Variants in PLPP2 observed in about 807,000 individuals in gnomAD.
PLPP2 encodes PAP2-gamma.
PLPP2 carries 29 observed loss-of-function variants against 35.2 expected under a neutral mutation model. That is an observed-to-expected ratio of 0.82 (90% CI 0.61 to 1.12). The LOEUF is 1.12. Among genes scored for constraint, PLPP2 ranks in the 50% most tolerant of loss-of-function variants. The pLI, the probability that PLPP2 is intolerant of heterozygous loss-of-function variation, is 0.00. For missense variants in PLPP2, 353 were observed against 375.2 expected (o/e 0.94, Z 0.49); for synonymous variants, 162 against 167.0 (o/e 0.97, Z 0.23).
At chr19:290,875 A>C in intron 1 of PLPP2, 2 of 1,122,232 alleles carry the variant, frequency 1.8e-6, no homozygotes, top group Non-Finnish European at 2.2e-6. Context: ...GGGAGCGCCC[A>C]CCCCAGGGGC....
At position 287,670 on chromosome 19, in the gene PLPP2, A is replaced by G; in HGVS notation, c.286T>C (p.Tyr96His). Residue 96 changes from tyrosine to histidine, a missense_variant, in exon 3 of 6, where the codon TAC becomes CAC. Transcript: ENST00000434325. This position sits in a 1 kb window ranked among gnomAD's most constrained non-coding sequence, Gnocchi z 4.3. ...AACAGGAAGGTCCCCAGCACCTTGT[A>G]TACAGCAGCCACGTAGTTGTTGAAG... Reference protein sequence around the residue: ...SDFNNYVAAVYKVLGTFLFGA... With the variant: ...SDFNNYVAAVHKVLGTFLFGA... 1.2e-6 allele frequency: 2 copies of G among 1,613,960 alleles called. No homozygotes were observed. The highest frequency in any genetic ancestry group is 1.7e-6 in the Non-Finnish European group (2 of 1,180,032).
intron 3 of PLPP2, chr19:285,562 G>A (rs56219430): frequency 0.14 from 20,623 of 145,656 alleles, 1,906 homozygotes; most frequent in Non-Finnish European, 0.21. Context: ...TCACGTCACC[G>A]CACTCCAGCC....
In PLPP2 at chr19:282,303, A is replaced by T. The variant is rs1217523970; in HGVS notation, c.548T>A (p.Val183Glu). The T allele has an allele frequency of 1.2e-6, 2 of 1,613,444 alleles. No individual in the cohort carries two copies. Among genetic ancestry groups the T allele is most frequent in the African/African-American group, 2.7e-5 (2 of 74,848 alleles). The change falls in exon 5 of 6, where the codon GTG becomes GAG. Residue 183 changes from valine to glutamate, a missense_variant. Physicochemically the swap from Val to Glu is moderately radical, Grantham distance 121. Coordinates refer to ENST00000434325, the MANE Select transcript of PLPP2 (RefSeq NM_003712.4). ...MYCMVFLALY[V>E]QARLCWKWAR... ...CCACTTCCAACAGAGTCGTGCCTGC[A>T]CATACAGCTGGAGTGGGGAGAGGAC...
At chr19:289,689 G>A (rs1366188339) in intron 1 of PLPP2, among the ~76,000 whole-genome samples, 5 of 152,030 alleles carry the variant, frequency 3.3e-5, no homozygotes, top group African/African-American at 7.3e-5. Flanking sequence ...GCGACAGGGC[G>A]AGACTCTGTC....
At chr19:286,373 A>C (rs1437654454) in intron 3 of PLPP2, 2 of 151,880 alleles carry the variant, frequency 1.3e-5, no homozygotes, top group East Asian at 3.9e-4. Flanking sequence ...CTTGGAAGGC[A>C]GAGGTGGGAG....
At chr19:286,016 G>C (rs371232105) in intron 3 of PLPP2, 1 of 151,556 alleles carries the variant, frequency 6.6e-6, no homozygotes, top group East Asian at 1.9e-4. Context: ...AAAATTAGCC[G>C]GGCGTGGTGG....
At chr19:291,064 C>G in intron 1 of PLPP2, 1 of 1,301,946 alleles carries the variant, frequency 7.7e-7, no homozygotes, top group Middle Eastern at 2.8e-4. Flanking sequence ...TCGCGACCCC[C>G]ATCCCCCTGG....
rs760053011 is a variant in PLPP2, at chr19:287,791, G to A, written c.205-40C>T. ...GCAGGAACCAGTGGGGGTCTCGGTCGGCCCAGGGGCCCTCACTCCTCCGCA... is the reference window on the plus strand; with the variant it reads ...GCAGGAACCAGTGGGGGTCTCGGTCAGCCCAGGGGCCCTCACTCCTCCGCA... On this transcript the variant is annotated intron_variant, in intron 2 of 5. Coordinates refer to ENST00000434325, the MANE Select transcript of PLPP2 (RefSeq NM_003712.4). This position sits in a 1 kb window ranked among gnomAD's most constrained non-coding sequence, Gnocchi z 4.3. The A allele has an allele frequency of 1.5e-5, 24 of 1,606,308 alleles. No individual in the cohort carries two copies. Among genetic ancestry groups the A allele is most frequent in the South Asian group, 5.5e-5 (5 of 90,602 alleles).
chr19:291,382 C>T lies in PLPP2; in HGVS notation c.-46G>A, dbSNP rs1194583921. 3 of 1,563,834 alleles carry T rather than the reference C, an allele frequency of 1.9e-6. No homozygotes were observed. The highest frequency in any genetic ancestry group is 2.6e-6 in the Non-Finnish European group (3 of 1,156,182). ...CCGGTCCCAGCGCGTCCCGTCGCGT[C>T]CCGGCCCGGCCGCGGAGTCACGTGG... On this transcript the variant is annotated 5_prime_UTR_variant, in exon 1 of 6. Transcript: ENST00000434325.
chr19:289,826 G>A (rs1056264625), intron 1 of PLPP2, among the ~76,000 whole-genome samples: 1 of 152,172 alleles, frequency 6.6e-6, no homozygotes, highest in Non-Finnish European at 1.5e-5. Context: ...GAAGGGAGAG[G>A]CCTTGGAGGA....
At chr19:291,051 C>T in intron 1 of PLPP2, 38 of 1,292,026 alleles carry the variant, frequency 2.9e-5, no homozygotes, top group Non-Finnish European at 3.7e-5. Context: ...CTCCCCGGGC[C>T]TCTCGCGACC....
chr19:281,679 G>T, intron 5 of PLPP2, 142 bp from the exon 6 acceptor site: 1 of 789,402 alleles, frequency 1.3e-6, no homozygotes, highest in Non-Finnish European at 1.9e-6. Context: ...TGCCTGGGGT[G>T]GGAAGAGAGC....
At chr19:282,665 T>G in intron 4 of PLPP2, 87 bp downstream of exon 4, 1 of 1,424,134 alleles carries the variant, frequency 7.0e-7, no homozygotes. Flanking sequence ...ACCCACCCAT[T>G]TTACAGCTGG....
chr19:287,988 T>G lies in PLPP2; in HGVS notation c.204+32A>C. 7.9e-7 allele frequency: 1 copy of G among 1,265,416 alleles called. No individual in the cohort carries two copies. Among genetic ancestry groups the G allele is most frequent in the Non-Finnish European group, 1.1e-6 (1 of 931,286 alleles). 78.4% of individuals were successfully genotyped at this position (1,265,416 alleles called of 1,614,324 possible). On this transcript the variant is annotated intron_variant, in intron 2 of 5. Coordinates refer to ENST00000434325, the MANE Select transcript of PLPP2 (RefSeq NM_003712.4). The surrounding 1 kb of genome is among the most constrained non-coding windows in gnomAD (Gnocchi z 4.3). Reference sequence around the variant, plus strand: ...TAAAGCTGGCCCCACCCCATCCCCCTACCCAGTCCCTCTGAGCCCCTCCTG... The same window carrying G: ...TAAAGCTGGCCCCACCCCATCCCCCGACCCAGTCCCTCTGAGCCCCTCCTG...
At position 287,976 on chromosome 19, in the gene PLPP2, A is replaced by G. The variant is rs1328708065; in HGVS notation, c.204+44T>C. On this transcript the variant is annotated intron_variant, in intron 2 of 5. Transcript: ENST00000434325. This position sits in a 1 kb window ranked among gnomAD's most constrained non-coding sequence, Gnocchi z 4.3. ...AGGCCCCCAGGGTAAAGCTGGCCCC[A>G]CCCCATCCCCCTACCCAGTCCCTCT... The G allele has an allele frequency of 2.1e-6, 3 of 1,414,800 alleles. No individual in the cohort carries two copies. Among genetic ancestry groups the G allele is most frequent in the African/African-American group, 3.7e-5 (2 of 54,790 alleles). The allele number at this position is 1,414,800 out of a possible 1,614,324, so 87.6% of individuals were successfully genotyped here. A position where few individuals can be genotyped will look rare whatever the true frequency, so the allele number is the denominator to read the frequency against.
rs763636350 is a variant in PLPP2 at position 287,721 on chromosome 19, T to C, written c.235A>G (p.Thr79Ala). Reference sequence around the variant, plus strand: ...TCCGAGCGAGAATAGAGCCGGTCTGTGTACACCAGGTAGGCTTCCCCGGCC... The same window carrying C: ...TCCGAGCGAGAATAGAGCCGGTCTGCGTACACCAGGTAGGCTTCCCCGGCC... ...VSAGEAYLVYTDRLYSRSDFN... is the reference protein window; with the variant it reads ...VSAGEAYLVYADRLYSRSDFN... Residue 79 changes from threonine (T) to alanine (A), a missense_variant, in exon 3 of 6, where the codon ACA becomes GCA. Thr to Ala is a moderately conservative substitution (Grantham distance 58). Transcript: ENST00000434325. This position sits in a 1 kb window ranked among gnomAD's most constrained non-coding sequence, Gnocchi z 4.3. 6 of 1,613,812 alleles carry C rather than the reference T, an allele frequency of 3.7e-6. No homozygotes were observed. Among genetic ancestry groups the C allele is most frequent in the Non-Finnish European group, 5.1e-6 (6 of 1,180,024 alleles).
intron 3 of PLPP2, 93 bp from the exon 4 acceptor site, chr19:282,902 A>T: frequency 8.5e-7 from 1 of 1,177,354 alleles, no homozygotes. Context: ...CTCGACACGG[A>T]GGCTGCTGCT....
In PLPP2 at chr19:281,430, C is replaced by T. The variant is rs144800038; in HGVS notation, c.825G>A (p.Glu275=). ...GGTATCCATAGTGGTTGTGGTCAGCCTCGCCCAGGGTCAACGTCAGTGACA... is the reference window on the plus strand; with the variant it reads ...GGTATCCATAGTGGTTGTGGTCAGCTTCGCCCAGGGTCAACGTCAGTGACA... ...PSLSLTLTLG[E]ADHNHYGYPH... is the part of the protein sequence containing the mutation. The change falls in exon 6 of 6, where the codon GAG becomes GAA. Residue 275 remains glutamate (E), a synonymous_variant. Coordinates refer to ENST00000434325, the MANE Select transcript of PLPP2 (RefSeq NM_003712.4). The T allele has an allele frequency of 5.2e-5, 80 of 1,531,872 alleles. No individual in the cohort carries two copies. Among genetic ancestry groups the T allele is most frequent in the Non-Finnish European group, 2.8e-5 (32 of 1,137,934 alleles). The allele number at this position is 1,531,872 out of a possible 1,614,324, so 94.9% of individuals were successfully genotyped here. A position where few individuals can be genotyped will look rare whatever the true frequency, so the allele number is the denominator to read the frequency against.
chr19:284,789 G>C (rs1970241312), intron 3 of PLPP2: 1 of 152,182 alleles, frequency 6.6e-6, no homozygotes, highest in Non-Finnish European at 1.5e-5. Flanking sequence ...TAGCAGGTCT[G>C]AGGAAGCAGA....
Sources: allele counts gnomAD v4.1 joint callset (sites outside exome capture counted in the v4.1 genomes callset), GRCh38; gene constraint gnomAD v4.1.1; non-coding constraint Gnocchi (gnomAD v3.1); transcripts MANE v1.5; gene names NCBI Gene and HGNC (gene_info 2026-07-23, HGNC 2026-07-21).